The following COL1A2 variants were observed in gnomAD, a reference collection of about 807,000 sequenced individuals.
The protein encoded by COL1A2 is collagen alpha-2(I) chain.
A neutral mutation model predicts 174.3 loss-of-function variants in COL1A2; 49 were observed. That is an observed-to-expected ratio of 0.28 (90% CI 0.22 to 0.36). The LOEUF (loss-of-function observed/expected upper bound fraction) is 0.36, where lower values mean the gene tolerates loss of function less well. COL1A2 is among the 10% of genes least tolerant of loss of function. The pLI, the probability that COL1A2 is intolerant of heterozygous loss-of-function variation, is 1.00. For missense variants in COL1A2, 1,438 were observed against 1,822.7 expected, an observed-to-expected ratio of 0.79 and a Z score of 3.84; for synonymous variants, 655 against 606.6, an observed-to-expected ratio of 1.08 and a Z score of -1.17.
chr7:94,422,293 G>A (rs1203690249), intron 39 of COL1A2, among the ~76,000 whole-genome samples: 1 of 151,470 alleles, frequency 6.6e-6, no homozygotes, highest in East Asian at 1.9e-4. Context: ...CCATTGTTAA[G>A]GTATAATTGT....
rs200333208 is a variant in COL1A2, at chr7:94,413,752, T to A, written c.1611+9T>A. The A allele has an allele frequency of 8.7e-6, 14 of 1,614,040 alleles. No homozygotes were observed. The highest frequency in any genetic ancestry group is 8.5e-7 in the Non-Finnish European group (1 of 1,179,982). On this transcript the variant is annotated intron_variant, in intron 27 of 51. Transcript: ENST00000297268. ...GACCTCCTGGACCACAGGTGAGTATTTCTCCCACTCTTGTGCTCTTCTGCA... is the reference window on the plus strand; with the variant it reads ...GACCTCCTGGACCACAGGTGAGTATATCTCCCACTCTTGTGCTCTTCTGCA...
At chr7:94,413,007 T>A in intron 25 of COL1A2, 76 bp from the exon 26 acceptor site, 1 of 1,426,022 alleles carries the variant, frequency 7.0e-7, no homozygotes, top group Non-Finnish European at 9.9e-7. Flanking sequence ...GGATTCAACA[T>A]TGCAAAATCA....
chr7:94,405,055 T>C (rs1195475850), intron 9 of COL1A2, 144 bp from the exon 10 acceptor site: 1 of 1,081,906 alleles, frequency 9.2e-7, no homozygotes, highest in African/African-American at 1.6e-5. Flanking sequence ...ACTAACCTAC[T>C]TGTATTAAGG....
rs68023599 is a variant in COL1A2 at position 94,418,601 on chromosome 7, TA to T, written c.2025+50del. 0.048 allele frequency: 66,616 copies of T among 1,387,170 alleles called. 6,548 individuals carry two copies. Among genetic ancestry groups the T allele is most frequent in the African/African-American group, 0.4 (27,466 of 69,494 alleles). The allele number at this position is 1,387,170 out of a possible 1,614,324, so 85.9% of individuals were successfully genotyped here. On this transcript the variant is annotated intron_variant, in intron 33 of 51. Coordinates refer to ENST00000297268, the MANE Select transcript of COL1A2 (RefSeq NM_000089.4). ...TTTCTTCGTACTTGGATTTTTTTTT[TA>T]TGTTTGAATTGAGAAGTTTTCCAAA...
Position 94,408,799 on chromosome 7 carries a change from C to A in COL1A2, c.768C>A (p.Gly256=), listed in dbSNP as rs1800229. 1.2e-6 allele frequency: 2 copies of A among 1,613,228 alleles called. No homozygotes were observed. The highest frequency in any genetic ancestry group is 2.7e-5 in the African/African-American group (2 of 74,796). The change falls in exon 16 of 52, where the codon GGC becomes GGA. Residue 256 remains glycine (G), a synonymous_variant. Transcript: ENST00000297268. ...CCATTGGGTCTGCTGGCCCTCCAGG[C>A]TTCCCAGGTGCCCCTGGCCCCAAGG... ...AGPIGSAGPP[G]FPGAPGPKGE... is the part of the protein sequence containing the mutation.
In COL1A2 at chr7:94,429,183, T is replaced by C; in HGVS notation, c.3712-5T>C. The C allele has an allele frequency of 6.2e-7, 1 of 1,611,528 alleles. No individual in the cohort carries two copies. The highest frequency in any genetic ancestry group is 8.5e-7 in the Non-Finnish European group (1 of 1,178,082). On this transcript the variant is annotated splice_polypyrimidine_tract_variant and splice_region_variant and intron_variant, in intron 50 of 51. Coordinates refer to ENST00000297268, the MANE Select transcript of COL1A2 (RefSeq NM_000089.4). ...TTAACTGGAATTTCATCCTATTTTC[T>C]GTAGTTTGAATATAATGTAGAAGGA...
rs186322424 is a variant in COL1A2 at position 94,405,028 on chromosome 7, A to T, written c.432+136A>T. On this transcript the variant is annotated intron_variant, in intron 9 of 51. Coordinates refer to ENST00000297268, the MANE Select transcript of COL1A2 (RefSeq NM_000089.4). ...GAACTCTTAATGTATGGGAAATATT[A>T]TTTTAATGAAATATTAACTAACCTA... 10 of 1,154,486 alleles carry T rather than the reference A, an allele frequency of 8.7e-6. No individual in the cohort carries two copies. The East Asian group carries it at 2.5e-4, about 29-fold the overall frequency. 71.5% of individuals were successfully genotyped at this position (1,154,486 alleles called of 1,614,324 possible). A position where few individuals can be genotyped will look rare whatever the true frequency, so the allele number is the denominator to read the frequency against.
intron 4 of COL1A2, among the ~76,000 whole-genome samples, chr7:94,399,646 G>A (rs1343666497): frequency 6.6e-6 from 1 of 152,126 alleles, no homozygotes; most frequent in African/African-American, 2.4e-5. Context: ...TTAGGAAGAG[G>A]AGACTTACAT....
In COL1A2 at chr7:94,426,437, T is replaced by C. The variant is rs1792279003; in HGVS notation, c.3012T>C (p.Ile1004=). The part of the protein sequence containing the change: ...GPRGPSGPQG[I]RGDKGEPGEK... ...TTTCTTTATAGGGCCCACAAGGCAT[T>C]CGTGGCGATAAGGGAGAGCCCGGTG... is the stretch of plus-strand genomic sequence containing the variant. The change falls in exon 46 of 52, where the codon ATT becomes ATC. Residue 1004 remains isoleucine, a synonymous_variant. Transcript: ENST00000297268. The C allele has an allele frequency of 1.3e-6, 2 of 1,599,706 alleles. No individual in the cohort carries two copies. The highest frequency in any genetic ancestry group is 1.7e-6 in the Non-Finnish European group (2 of 1,173,328).
In COL1A2 at chr7:94,425,877, T is replaced by C. The variant is rs777594155; in HGVS notation, c.2943+20T>C. On this transcript the variant is annotated intron_variant, in intron 44 of 51. Transcript: ENST00000297268. ...GAAACTGTAAGTTTGTGAATACCAG[T>C]CCCTCAGTGCAGCATTCTCGTGGGC... 5.6e-6 allele frequency: 9 copies of C among 1,606,834 alleles called. No homozygotes were observed. The highest frequency in any genetic ancestry group is 1.3e-5 in the African/African-American group (1 of 74,762).
At chr7:94,408,664 A>G (rs1414517329) in intron 15 of COL1A2, 106 bp from the exon 16 acceptor site, 2 of 1,239,860 alleles carry the variant, frequency 1.6e-6, no homozygotes, top group South Asian at 2.5e-5. Context: ...CTTTACTAAT[A>G]TAAACAGTGT....
rs1413608519 is a variant in COL1A2, at chr7:94,399,158, G to A, written c.132+74G>A. On this transcript the variant is annotated intron_variant, in intron 4 of 51. Coordinates refer to ENST00000297268, the MANE Select transcript of COL1A2 (RefSeq NM_000089.4). ...TATATGTTAGAAACTACAGGAACTGGCAATTTATAAGAATATTATGTATCC... is the reference window on the plus strand; with the variant it reads ...TATATGTTAGAAACTACAGGAACTGACAATTTATAAGAATATTATGTATCC... The A allele has an allele frequency of 1.7e-5, 23 of 1,370,288 alleles. No individual in the cohort carries two copies. The Admixed American group carries it at 1.9e-4, about 11-fold the overall frequency. 84.9% of individuals were successfully genotyped at this position (1,370,288 alleles called of 1,614,324 possible). A position where few individuals can be genotyped will look rare whatever the true frequency, so the allele number is the denominator to read the frequency against.
At chr7:94,398,911 T>C in intron 3 of COL1A2, 138 bp from the exon 4 acceptor site, 1 of 827,784 alleles carries the variant, frequency 1.2e-6, no homozygotes, top group South Asian at 1.5e-5. Context: ...TTGCATTGTG[T>C]CAATTTTTTA....
chr7:94,426,187 TA>T (rs1322149261), intron 45 of COL1A2, 136 bp downstream of exon 45: 4 of 899,988 alleles, frequency 4.4e-6, no homozygotes, highest in Non-Finnish European at 5.4e-6. Flanking sequence ...TGAGAATTGA[TA>T]CAAATAACTT....
chr7:94,404,986 GCTGAATATGC>G, intron 9 of COL1A2, 94 bp downstream of exon 9: 5 of 1,409,628 alleles, frequency 3.5e-6, no homozygotes, highest in Non-Finnish European at 5.0e-6. Flanking sequence ...TCTGCCAAAA[GCTGAATATGC>G]CTGACAGAAC....
intron 15 of COL1A2, 98 bp from the exon 16 acceptor site, chr7:94,408,672 T>C: frequency 1.5e-6 from 2 of 1,298,564 alleles, no homozygotes; most frequent in Non-Finnish European, 2.2e-6. Flanking sequence ...ATATAAACAG[T>C]GTCATGCCAC....
intron 49 of COL1A2, 63 bp downstream of exon 49, chr7:94,427,948 T>G: frequency 6.4e-7 from 1 of 1,554,236 alleles, no homozygotes; most frequent in Non-Finnish European, 8.8e-7. Context: ...AAAATTAGTT[T>G]CCATTGACAT....
chr7:94,395,225 A>T, intron 1 of COL1A2, 124 bp downstream of exon 1: 1 of 824,994 alleles, frequency 1.2e-6, no homozygotes, highest in Non-Finnish European at 2.2e-6. Flanking sequence ...ACTCTCAGGC[A>T]TGTGGGAAAA....
rs756289159 is a variant in COL1A2 at position 94,420,635 on chromosome 7, C to G, written c.2282C>G (p.Ala761Gly). Residue 761 changes from alanine to glycine, a missense_variant, in exon 37 of 52, where the codon GCT (alanine) becomes GGT (glycine). By Grantham distance (60) the Ala-to-Gly change is moderately conservative. Around this residue, in one of 3 missense-constraint regions of COL1A2, gnomAD observed 867 missense variants for 1,213.7 expected, o/e 0.71. Transcript: ENST00000297268. ...GVVGPTGPVG[A>G]AGPAGPNGPP... The stretch of plus-strand genomic sequence containing the variant: ...GTTGGTCCCACAGGCCCCGTTGGAG[C>G]TGCTGGCCCAGCTGTAAGTTGAATT... 3 of 1,599,358 alleles carry G rather than the reference C, an allele frequency of 1.9e-6. No homozygotes were observed. The Admixed American group carries it at 5.2e-5, about 28-fold the overall frequency.
Sources: allele counts gnomAD v4.1 joint callset (sites outside exome capture counted in the v4.1 genomes callset), GRCh38; gene constraint gnomAD v4.1.1; regional missense constraint gnomAD v4.1.1; transcripts MANE v1.5; gene names NCBI Gene and HGNC (gene_info 2026-07-23, HGNC 2026-07-21).